The following ZBTB46 variants were observed in gnomAD, a reference collection of about 807,000 sequenced individuals.
ZBTB46 encodes zinc finger and BTB domain containing 46.
ZBTB46 carries 8 observed loss-of-function variants against 44.1 expected under a neutral mutation model. The ratio of observed to expected loss-of-function variants is 0.18; its 90% CI spans 0.11 to 0.33. The LOEUF (loss-of-function observed/expected upper bound fraction) is 0.33. Among genes scored for constraint, ZBTB46 ranks in the 10% least tolerant of loss-of-function variants. The pLI is 1.00. For missense variants in ZBTB46, 651 were observed against 847.7 expected, an observed-to-expected ratio of 0.77 and a Z score of 2.88; for synonymous variants, 409 against 382.3, an observed-to-expected ratio of 1.07 and a Z score of -0.81.
intron 1 of ZBTB46, among the ~76,000 whole-genome samples, chr20:63,798,685 A>AAAAAAAAAAAAAAAAAAAAAAAAAC (rs1417351365): frequency 7.8e-5 from 10 of 127,952 alleles, no homozygotes; most frequent in Non-Finnish European, 1.2e-4. Flanking sequence ...AAAAAAAAAA[A>AAAAAAAAAAAAAAAAAAAAAAAAAC]AAAAAAAATT....
intron 1 of ZBTB46, among the ~76,000 whole-genome samples, chr20:63,796,865 T>A (rs1217116609): frequency 1.3e-5 from 2 of 150,674 alleles, no homozygotes; most frequent in East Asian, 4.0e-4. Flanking sequence ...AAAATAAAAT[T>A]TTGCTTAAAA....
At chr20:63,760,535 G>A (rs767777239) in intron 3 of ZBTB46, among the ~76,000 whole-genome samples, 1 of 150,654 alleles carries the variant, frequency 6.6e-6, no homozygotes, top group Non-Finnish European at 1.5e-5. Flanking sequence ...GCACAATCTC[G>A]ATTCACTGCA....
chr20:63,800,150 G>T (rs1160809122), intron 1 of ZBTB46, among the ~76,000 whole-genome samples: 1 of 152,212 alleles, frequency 6.6e-6, no homozygotes, highest in Non-Finnish European at 1.5e-5. Context: ...TCGGCACCCT[G>T]GGGCACCTCC....
At chr20:63,770,882 C>T (rs754640183) in intron 3 of ZBTB46, among the ~76,000 whole-genome samples, 1 of 152,216 alleles carries the variant, frequency 6.6e-6, no homozygotes, top group Non-Finnish European at 1.5e-5. Flanking sequence ...AGAGACCACG[C>T]TAACAAGAGG....
At chr20:63,816,153 TGGGTGCAGGTGC>T (rs2092756456) in intron 1 of ZBTB46, among the ~76,000 whole-genome samples, 1 of 150,202 alleles carries the variant, frequency 6.7e-6, no homozygotes, top group Non-Finnish European at 1.5e-5. Flanking sequence ...GCAGGTGCAG[TGGGTGCAGGTGC>T]GGTGGGCACA....
chr20:63,758,275 C>T (rs904606018), intron 3 of ZBTB46, among the ~76,000 whole-genome samples: 3 of 150,646 alleles, frequency 2.0e-5, no homozygotes, highest in Admixed American at 1.3e-4. Context: ...CTAATCACCC[C>T]TGGGCCATAC....
At chr20:63,818,002 G>C (rs140532375) in intron 1 of ZBTB46, among the ~76,000 whole-genome samples, 100 of 152,298 alleles carry the variant, frequency 6.6e-4, no homozygotes, top group African/African-American at 2.3e-3. Flanking sequence ...CCCATGTAAC[G>C]CAGCCCCAGG....
In ZBTB46 at chr20:63,752,091, TTGGG is replaced by T. The variant is rs2092173507; in HGVS notation, c.1398+591_1398+594del. Reference sequence around the variant, plus strand: ...GGGCGTTCCAGGACTCCCCGAACCCTTGGGGCCGCCCCGCTCTGGGCTGCCTGTG... The same window carrying T: ...GGGCGTTCCAGGACTCCCCGAACCCTGCCGCCCCGCTCTGGGCTGCCTGTG... On this transcript the variant is annotated intron_variant, in intron 4 of 4. Transcript: ENST00000245663. The surrounding 1 kb of genome is among the most constrained non-coding windows in gnomAD (Gnocchi z 5.6). 1.3e-5 allele frequency among the ~76,000 whole-genome samples: 2 copies of T among 151,860 alleles called. No homozygotes were observed. Among genetic ancestry groups the T allele is most frequent in the African/African-American group, 4.8e-5 (2 of 41,356 alleles).
chr20:63,766,895 C>T (rs995605570), intron 3 of ZBTB46, among the ~76,000 whole-genome samples: 6 of 152,304 alleles, frequency 3.9e-5, no homozygotes, highest in East Asian at 3.9e-4. Context: ...CGGGCTCCCC[C>T]GACACGCCAC....
chr20:63,760,815 G>A (rs1309104751), intron 3 of ZBTB46, among the ~76,000 whole-genome samples: 2 of 146,908 alleles, frequency 1.4e-5, no homozygotes, highest in African/African-American at 2.5e-5. Flanking sequence ...GTTCACTTTC[G>A]GTTTTGGGGT....
At chr20:63,788,150 T>C (rs1568869004) in intron 2 of ZBTB46, 5 of 152,276 alleles carry the variant, frequency 3.3e-5, no homozygotes, top group Admixed American at 2.6e-4. Context: ...TCTGGCTCTG[T>C]CGTCCAGGCT....
intron 1 of ZBTB46, among the ~76,000 whole-genome samples, chr20:63,809,145 G>A (rs1052913295): frequency 1.3e-5 from 2 of 152,142 alleles, no homozygotes; most frequent in African/African-American, 2.4e-5. Flanking sequence ...GGACCGCAGC[G>A]CCTGGGGCAC....
chr20:63,794,924 C>G (rs1225241027), intron 1 of ZBTB46, among the ~76,000 whole-genome samples: 1 of 152,236 alleles, frequency 6.6e-6, no homozygotes, highest in African/African-American at 2.4e-5. Flanking sequence ...TGGTACATCT[C>G]AGGTCCCCGT....
intron 3 of ZBTB46, among the ~76,000 whole-genome samples, chr20:63,756,542 T>C (rs549164510): frequency 2.0e-5 from 3 of 152,338 alleles, no homozygotes; most frequent in South Asian, 2.1e-4. Context: ...TGTGATGAAA[T>C]TGTGATCTGT....
At chr20:63,809,863 T>TG (rs1037250701) in intron 1 of ZBTB46, among the ~76,000 whole-genome samples, 2 of 151,008 alleles carry the variant, frequency 1.3e-5, no homozygotes, top group African/African-American at 4.9e-5. Context: ...CTCTGGAGGA[T>TG]GAAGTGGGAG....
chr20:63,750,101 C>T lies in ZBTB46; in HGVS notation c.1398+2585G>A, dbSNP rs1457339355. Among the ~76,000 whole-genome samples, 5 of 152,346 alleles carry T rather than the reference C, an allele frequency of 3.3e-5. No individual in the cohort carries two copies. In the South Asian group the frequency reaches 8.3e-4, roughly 25 times the overall value. On this transcript the variant is annotated intron_variant, in intron 4 of 4. Transcript: ENST00000245663. ...AGGCCAGGGAAGGGCTGACAGTGCT[C>T]GTAAGTGCCATCGTGAAAGTGGAGG...
intron 1 of ZBTB46, among the ~76,000 whole-genome samples, chr20:63,795,109 G>A (rs1418994052): frequency 6.6e-6 from 1 of 152,220 alleles, no homozygotes; most frequent in Non-Finnish European, 1.5e-5. Flanking sequence ...GAGGGACGCC[G>A]CCTCTGCTGT....
At chr20:63,775,527 GC>G (rs2092417586) in intron 3 of ZBTB46, 150 bp downstream of exon 3, 1 of 1,042,930 alleles carries the variant, frequency 9.6e-7, no homozygotes, top group African/African-American at 1.6e-5. Flanking sequence ...AGGCTGTGAC[GC>G]CGCATCCTCA....
intron 3 of ZBTB46, among the ~76,000 whole-genome samples, chr20:63,769,641 G>C (rs1247788724): frequency 6.6e-6 from 1 of 152,152 alleles, no homozygotes; most frequent in African/African-American, 2.4e-5. Flanking sequence ...GGTTTTGGTG[G>C]AGGAAGTCGG....
Sources: allele counts gnomAD v4.1 joint callset (sites outside exome capture counted in the v4.1 genomes callset), GRCh38; gene constraint gnomAD v4.1.1; non-coding constraint Gnocchi (gnomAD v3.1); transcripts MANE v1.5; gene names NCBI Gene and HGNC (gene_info 2026-07-23, HGNC 2026-07-21).